ARHGEF4: variants seen among roughly 807,000 people sequenced by gnomAD.
ARHGEF4 encodes the protein Rho guanine nucleotide exchange factor 4.
ARHGEF4 carries 119 observed loss-of-function variants against 162.0 expected under a neutral mutation model. That is an observed-to-expected ratio of 0.73 (90% CI 0.63 to 0.86). ARHGEF4 has a LOEUF of 0.86. Ranked by LOEUF, ARHGEF4 falls within the 40% of genes least tolerant of loss-of-function variation. The probability of loss-of-function intolerance (pLI) is 0.00; values close to 1 mark genes in which losing one functional copy is unlikely to be tolerated. For synonymous variants in ARHGEF4, 1,014 were observed against 979.9 expected (o/e 1.03, Z -0.65); for missense variants, 2,488 against 2,456.0 (o/e 1.01, Z -0.28).
chr2:130,845,332 CCCGTCT>C (rs757381348), intron 1 of ARHGEF4, among the ~76,000 whole-genome samples: 10 of 151,658 alleles, frequency 6.6e-5, no homozygotes, highest in Non-Finnish European at 8.8e-5. Flanking sequence ...ATAGGGAGAC[CCCGTCT>C]CTACAAAAAT....
At chr2:131,035,570 C>A in intron 5 of ARHGEF4, 2 of 774,270 alleles carry the variant, frequency 2.6e-6, no homozygotes, top group Non-Finnish European at 3.2e-6. Context: ...TCCCCGGCTG[C>A]TTGTCTGGAA....
intron 1 of ARHGEF4, among the ~76,000 whole-genome samples, chr2:130,872,783 T>C (rs1488607616): frequency 6.6e-6 from 1 of 152,142 alleles, no homozygotes; most frequent in Non-Finnish European, 1.5e-5. Flanking sequence ...ACAAACTCCG[T>C]ATGTGTCAGC....
At chr2:130,844,678 C>T (rs1680831450) in intron 1 of ARHGEF4, among the ~76,000 whole-genome samples, 2 of 152,154 alleles carry the variant, frequency 1.3e-5, no homozygotes, top group Admixed American at 6.5e-5. Context: ...CCCTGGGGCA[C>T]CTTCATGTAA....
intron 1 of ARHGEF4, among the ~76,000 whole-genome samples, chr2:130,841,468 G>A (rs1437816153): frequency 6.6e-6 from 1 of 151,616 alleles, no homozygotes; most frequent in Non-Finnish European, 1.5e-5. Flanking sequence ...CAGTGCCATG[G>A]GTGAGTCGTC....
At chr2:130,988,927 GAGAGAGAGAA>G (rs986829494) in intron 4 of ARHGEF4, among the ~76,000 whole-genome samples, 15 of 149,212 alleles carry the variant, frequency 1.0e-4, no homozygotes, top group African/African-American at 3.0e-4. Context: ...GAGAGAGAGA[GAGAGAGAGAA>G]AGATTCCAAA....
At chr2:131,043,675 C>T in intron 11 of ARHGEF4, 92 bp downstream of exon 11, 1 of 1,579,582 alleles carries the variant, frequency 6.3e-7, no homozygotes, top group Non-Finnish European at 8.6e-7. Context: ...AGACAGGTGC[C>T]AGCCAGACCA....
At chr2:130,925,233 T>C (rs1682169590) in intron 2 of ARHGEF4, among the ~76,000 whole-genome samples, 1 of 152,158 alleles carries the variant, frequency 6.6e-6, no homozygotes, top group Non-Finnish European at 1.5e-5. Context: ...TTGATATTAA[T>C]TCATGCTTAT....
intron 1 of ARHGEF4, among the ~76,000 whole-genome samples, chr2:130,848,088 G>T (rs1423760945): frequency 6.6e-6 from 1 of 152,244 alleles, no homozygotes; most frequent in Non-Finnish European, 1.5e-5. Context: ...TGCCCAGGTG[G>T]GCAGGGAGGG....
intron 4 of ARHGEF4, among the ~76,000 whole-genome samples, chr2:131,002,695 G>A (rs535907575): frequency 9.6e-4 from 110 of 114,312 alleles, no homozygotes; most frequent in Non-Finnish European, 1.6e-3. Flanking sequence ...GGGCGACAGA[G>A]CGAGACTCCG....
In ARHGEF4 at chr2:131,040,161, A is replaced by G; in HGVS notation, c.4451A>G (p.Asp1484Gly). Residue 1484 changes from aspartate to glycine, a missense_variant, in exon 7 of 14, where the codon GAC becomes GGC. Coordinates refer to ENST00000409359, the MANE Select transcript of ARHGEF4 (RefSeq NM_001367493.1). Reference protein sequence around the residue: ...VINEILSTERDYIKHLRDICE... With the variant: ...VINEILSTERGYIKHLRDICE... ...AACGAGATCCTCAGCACTGAGCGGG[A>G]CTACATCAAGCACCTGCGCGACATC... 6.2e-7 allele frequency: 1 copy of G among 1,612,584 alleles called. No individual in the cohort carries two copies. Among genetic ancestry groups the G allele is most frequent in the Non-Finnish European group, 8.5e-7 (1 of 1,179,224 alleles).
At chr2:130,848,563 G>T (rs1343857213) in intron 1 of ARHGEF4, among the ~76,000 whole-genome samples, 3 of 152,140 alleles carry the variant, frequency 2.0e-5, no homozygotes, top group African/African-American at 7.2e-5. Context: ...CATTCCCAGG[G>T]CCCAGGGACC....
intron 1 of ARHGEF4, among the ~76,000 whole-genome samples, chr2:130,905,469 A>G (rs1574200812): frequency 3.9e-5 from 6 of 151,988 alleles, no homozygotes; most frequent in Admixed American, 3.3e-4. Flanking sequence ...CCCTACAGGA[A>G]CTCTTACTGT....
At chr2:131,007,669 G>A (rs373675566) in intron 4 of ARHGEF4, among the ~76,000 whole-genome samples, 1 of 150,798 alleles carries the variant, frequency 6.6e-6, no homozygotes. Context: ...TTCATTGTTT[G>A]TCTTTTTATT....
In ARHGEF4 at chr2:130,895,147, C is replaced by T. The variant is rs552920526; in HGVS notation, c.40-18839C>T. On this transcript the variant is annotated intron_variant, in intron 1 of 13. Transcript: ENST00000409359. ...TCCGCCACTCACCGCTCTAGGTTTC[C>T]CTTGGTTCTGGAGCCCTATGGAAAT... Among the ~76,000 whole-genome samples the T allele has an allele frequency of 9.8e-5, 15 of 152,294 alleles. No individual in the cohort carries two copies. The East Asian group carries it at 2.5e-3, about 25-fold the overall frequency.
At chr2:130,873,387 G>A (rs1364902570) in intron 1 of ARHGEF4, among the ~76,000 whole-genome samples, 3 of 152,056 alleles carry the variant, frequency 2.0e-5, no homozygotes, top group African/African-American at 4.8e-5. Flanking sequence ...TCAGGAGTTC[G>A]AGACCAGCCT....
At chr2:130,932,522 A>G (rs888588836) in intron 3 of ARHGEF4, among the ~76,000 whole-genome samples, 4 of 152,222 alleles carry the variant, frequency 2.6e-5, no homozygotes, top group Non-Finnish European at 4.4e-5. Context: ...AATCCTTTAC[A>G]TATTCTGAAT....
intron 1 of ARHGEF4, among the ~76,000 whole-genome samples, chr2:130,886,680 CAAA>C (rs36062652): frequency 4.8e-5 from 5 of 104,844 alleles, no homozygotes; most frequent in Admixed American, 9.3e-5. Flanking sequence ...GACTCTGTCT[CAAA>C]AAAAAAAAAA....
chr2:130,839,314 A>G (rs950112712), intron 1 of ARHGEF4, among the ~76,000 whole-genome samples: 3 of 152,140 alleles, frequency 2.0e-5, no homozygotes, highest in African/African-American at 7.2e-5. Flanking sequence ...GATTGGTCCT[A>G]TGAGGTACCC....
At chr2:131,042,537 G>A (rs1415737398) in intron 10 of ARHGEF4, among the ~76,000 whole-genome samples, 1 of 151,686 alleles carries the variant, frequency 6.6e-6, no homozygotes, top group Non-Finnish European at 1.5e-5. Context: ...CCACCACCAT[G>A]CACCAGCTGT....
Sources: allele counts gnomAD v4.1 joint callset (sites outside exome capture counted in the v4.1 genomes callset), GRCh38; gene constraint gnomAD v4.1.1; transcripts MANE v1.5; gene names NCBI Gene and HGNC (gene_info 2026-07-23, HGNC 2026-07-21).